Variants in NEMP2 observed in about 807,000 individuals in gnomAD.
NEMP2 encodes the protein UPF0571 transmembrane protein.
A neutral mutation model predicts 54.2 loss-of-function variants in NEMP2; 53 were observed. The observed-to-expected ratio is 0.98, with a 90% CI of 0.78 to 1.23. NEMP2 has a LOEUF of 1.23. Ranked by LOEUF, NEMP2 falls within the 50% of genes most tolerant of loss-of-function variation. NEMP2 has a pLI of 0.00. For synonymous variants in NEMP2, 197 were observed against 190.3 expected (o/e 1.04, Z -0.29); for missense variants, 455 against 511.3 (o/e 0.89, Z 1.06).
chr2:190,464,774 C>A, the NEMP2 span: 1 of 261,088 alleles, frequency 3.8e-6, no homozygotes, highest in Non-Finnish European at 6.0e-6. Flanking sequence ...CCCAACTAGG[C>A]TGTAAGTCCC....
the NEMP2 span, among the ~76,000 whole-genome samples, chr2:190,446,589 G>T: frequency 6.6e-6 from 1 of 152,160 alleles, no homozygotes; most frequent in Non-Finnish European, 1.5e-5. Context: ...AAATTTGGGG[G>T]ATCAGAGAGA....
chr2:190,632,371 T>G, the NEMP2 span, among the ~76,000 whole-genome samples: 3 of 152,242 alleles, frequency 2.0e-5, no homozygotes, highest in African/African-American at 7.2e-5. The surrounding 1 kb of genome is among the most constrained non-coding windows in gnomAD (Gnocchi z 4.8). Context: ...TTTCCTGTAT[T>G]CTCAGCATAG....
chr2:190,576,589 C>G, the NEMP2 span, among the ~76,000 whole-genome samples: 1 of 133,200 alleles, frequency 7.5e-6, no homozygotes, highest in African/African-American at 2.9e-5. Flanking sequence ...CTGCAACATA[C>G]TGAATTGAGG....
At position 190,533,877 on chromosome 2, in the gene NEMP2, C is replaced by G. The variant is rs991035611; in HGVS notation, c.97+682G>C. The G allele has an allele frequency of 1.4e-6, 1 of 705,504 alleles. No individual in the cohort carries two copies. The highest frequency in any genetic ancestry group is 1.9e-5 in the African/African-American group (1 of 51,814). 43.7% of individuals were successfully genotyped at this position (705,504 alleles called of 1,614,324 possible). On this transcript the variant is annotated intron_variant, in intron 1 of 8. Coordinates refer to ENST00000409150, the MANE Select transcript of NEMP2 (RefSeq NM_001142645.2). The surrounding 1 kb of genome is among the most constrained non-coding windows in gnomAD (Gnocchi z 4.3). Reference sequence around the variant, plus strand: ...CTTCCCCAGGTGTCCTTCCCAGATCCTTCCCCAGTGTGCCAGCATCTTAAG... The same window carrying G: ...CTTCCCCAGGTGTCCTTCCCAGATCGTTCCCCAGTGTGCCAGCATCTTAAG...
chr2:190,561,471 C>T, the NEMP2 span, among the ~76,000 whole-genome samples: 3 of 152,186 alleles, frequency 2.0e-5, no homozygotes, highest in African/African-American at 7.2e-5. This position sits in a 1 kb window ranked among gnomAD's most constrained non-coding sequence, Gnocchi z 5.4. Context: ...TCTTCCCCTT[C>T]TGTCTTCACG....
At chr2:190,545,704 G>T in the NEMP2 span, among the ~76,000 whole-genome samples, 1 of 152,142 alleles carries the variant, frequency 6.6e-6, no homozygotes, top group Admixed American at 6.6e-5. Flanking sequence ...TTAAAAAGGG[G>T]TGGGTGGAGG....
At chr2:190,444,391 G>A in the NEMP2 span, among the ~76,000 whole-genome samples, 3 of 152,178 alleles carry the variant, frequency 2.0e-5, no homozygotes, top group Non-Finnish European at 4.4e-5. Flanking sequence ...GTAGAATATA[G>A]TTTAGCCACA....
chr2:190,449,302 C>T, the NEMP2 span, among the ~76,000 whole-genome samples: 7 of 152,088 alleles, frequency 4.6e-5, no homozygotes, highest in Admixed American at 6.6e-5. Context: ...GGTGAAACCC[C>T]ATCTCTACTA....
At chr2:190,648,754 G>A in the NEMP2 span, 3 of 151,050 alleles carry the variant, frequency 2.0e-5, no homozygotes, top group African/African-American at 7.3e-5. Context: ...GCCCACTCCC[G>A]GCGCCCACTT....
rs73979282 is a variant in NEMP2, at chr2:190,524,895, C to T, written c.213+368G>A. Among the ~76,000 whole-genome samples, 692 of 152,266 alleles carry T rather than the reference C, an allele frequency of 4.5e-3. 9 individuals carry two copies. Among genetic ancestry groups the T allele is most frequent in the African/African-American group, 0.016 (658 of 41,548 alleles). On this transcript the variant is annotated intron_variant, in intron 2 of 8. Coordinates refer to ENST00000409150, the MANE Select transcript of NEMP2 (RefSeq NM_001142645.2). ...CAATTAAGAGCAACTGCTATCTTGG[C>T]CATATTTGGGATAAGTGGTTATTCC...
chr2:190,438,287 A>G, the NEMP2 span, among the ~76,000 whole-genome samples: 1 of 152,084 alleles, frequency 6.6e-6, no homozygotes, highest in South Asian at 2.1e-4. The surrounding 1 kb of genome is among the most constrained non-coding windows in gnomAD (Gnocchi z 5.2). Context: ...AGGCCGAGGC[A>G]GGTGGATCAC....
the NEMP2 span, among the ~76,000 whole-genome samples, chr2:190,422,509 C>G: frequency 3.9e-5 from 6 of 152,174 alleles, no homozygotes; most frequent in Non-Finnish European, 5.9e-5. Flanking sequence ...CTTTATTTCA[C>G]CCATAAACTC....
the NEMP2 span, among the ~76,000 whole-genome samples, chr2:190,565,301 T>C: frequency 1.3e-5 from 2 of 152,266 alleles, no homozygotes; most frequent in South Asian, 4.1e-4. Context: ...TTATCTGTGC[T>C]CTCTCCCCTC....
chr2:190,499,661 G>GT (rs1326332419), downstream of NEMP2, among the ~76,000 whole-genome samples: 1 of 152,262 alleles, frequency 6.6e-6, no homozygotes, highest in Non-Finnish European at 1.5e-5. The surrounding 1 kb of genome is among the most constrained non-coding windows in gnomAD (Gnocchi z 6.0). Flanking sequence ...CTGAGTTTCA[G>GT]TTATTCCATA....
At chr2:190,540,287 ATT>A in the NEMP2 span, among the ~76,000 whole-genome samples, 457 of 144,508 alleles carry the variant, frequency 3.2e-3, 1 homozygote, top group South Asian at 4.9e-3. Context: ...ATAGTGAATG[ATT>A]TTTTTTTTTT....
chr2:190,436,415 A>C, the NEMP2 span: 1 of 1,614,154 alleles, frequency 6.2e-7, no homozygotes, highest in Non-Finnish European at 8.5e-7. The surrounding 1 kb of genome is among the most constrained non-coding windows in gnomAD (Gnocchi z 5.3). Context: ...GACCGCTTTA[A>C]AAAAGGCAAA....
In NEMP2 at chr2:190,516,263, T is replaced by C; in HGVS notation, c.727+7A>G. On this transcript the variant is annotated splice_region_variant and intron_variant, in intron 6 of 8. Coordinates refer to ENST00000409150, the MANE Select transcript of NEMP2 (RefSeq NM_001142645.2). ...TCACAGAGCATATTGTTTTTCTATT[T>C]ACCTACCTAATACATATATCCTGTT... is the stretch of plus-strand genomic sequence containing the variant. 6.5e-7 allele frequency: 1 copy of C among 1,535,652 alleles called. No homozygotes were observed. The highest frequency in any genetic ancestry group is 8.8e-7 in the Non-Finnish European group (1 of 1,136,440).
the NEMP2 span, among the ~76,000 whole-genome samples, chr2:190,549,638 C>G: frequency 6.6e-6 from 1 of 150,864 alleles, no homozygotes; most frequent in African/African-American, 2.4e-5. Flanking sequence ...TTTTTTTTTC[C>G]TGAAGCTCAA....
chr2:190,443,496 C>A, the NEMP2 span, among the ~76,000 whole-genome samples: 3 of 152,022 alleles, frequency 2.0e-5, no homozygotes, highest in Admixed American at 2.0e-4. The surrounding 1 kb of genome is among the most constrained non-coding windows in gnomAD (Gnocchi z 4.2). Context: ...AACTACAAGA[C>A]CCATTGAAGT....
Sources: allele counts gnomAD v4.1 joint callset (sites outside exome capture counted in the v4.1 genomes callset), GRCh38; gene constraint gnomAD v4.1.1; non-coding constraint Gnocchi (gnomAD v3.1); transcripts MANE v1.5; gene names NCBI Gene and HGNC (gene_info 2026-07-23, HGNC 2026-07-21).